Variants in THSD7B observed in about 807,000 individuals in gnomAD.
THSD7B encodes the protein thrombospondin type 1 domain containing 7B, also known as thrombospondin type-1 domain-containing protein 7B.
Under a neutral mutation model 213.6 loss-of-function variants are expected in THSD7B, and 138 were observed. The ratio of observed to expected loss-of-function variants is 0.65; its 90% CI spans 0.56 to 0.74. The LOEUF (loss-of-function observed/expected upper bound fraction) is 0.74, where lower values mean the gene tolerates loss of function less well. THSD7B is among the 30% of genes least tolerant of loss of function. The pLI, the probability that THSD7B is intolerant of heterozygous loss-of-function variation, is 0.00. For missense variants in THSD7B, 1,931 were observed against 1,991.5 expected (o/e 0.97, Z 0.58); for synonymous variants, 742 against 687.0 (o/e 1.08, Z -1.25).
chr2:137,217,966 G>A (rs1681286247), intron 7 of THSD7B, among the ~76,000 whole-genome samples: 1 of 152,140 alleles, frequency 6.6e-6, no homozygotes, highest in African/African-American at 2.4e-5. Context: ...AATAAGTGCA[G>A]TTTAACTGCC....
At chr2:137,310,608 G>A (rs1683875815) in intron 12 of THSD7B, among the ~76,000 whole-genome samples, 1 of 151,900 alleles carries the variant, frequency 6.6e-6, no homozygotes, top group Admixed American at 6.6e-5. Flanking sequence ...GTAATGCCTA[G>A]GTTTTCTTCT....
intron 1 of THSD7B, among the ~76,000 whole-genome samples, chr2:136,846,656 G>T (rs1167322712): frequency 6.6e-6 from 1 of 152,060 alleles, no homozygotes; most frequent in Non-Finnish European, 1.5e-5. Flanking sequence ...ATTATACATT[G>T]AAAATTGCCC....
At chr2:137,404,526 CAAT>C (rs1162419715) in intron 12 of THSD7B, among the ~76,000 whole-genome samples, 1 of 132,684 alleles carries the variant, frequency 7.5e-6, no homozygotes, top group African/African-American at 2.8e-5. Flanking sequence ...TATACACACA[CAAT>C]ATATATATAC....
At chr2:137,082,167 G>T (rs1349002991) in intron 3 of THSD7B, among the ~76,000 whole-genome samples, 1 of 152,002 alleles carries the variant, frequency 6.6e-6, no homozygotes, top group Non-Finnish European at 1.5e-5. Flanking sequence ...TTTCATCTAA[G>T]TCTTTTACTC....
intron 1 of THSD7B, among the ~76,000 whole-genome samples, chr2:136,829,725 G>C (rs975914617): frequency 6.6e-6 from 1 of 152,150 alleles, no homozygotes; most frequent in African/African-American, 2.4e-5. Flanking sequence ...AAGATCCTGA[G>C]GGAAAATATG....
At chr2:136,838,019 C>A (rs900067515) in intron 1 of THSD7B, among the ~76,000 whole-genome samples, 3 of 152,152 alleles carry the variant, frequency 2.0e-5, no homozygotes, top group Non-Finnish European at 4.4e-5. Flanking sequence ...CCTCATTTTC[C>A]TATGCTATTA....
intron 3 of THSD7B, among the ~76,000 whole-genome samples, chr2:137,080,303 C>T (rs1167628945): frequency 1.3e-5 from 2 of 150,962 alleles, no homozygotes; most frequent in Non-Finnish European, 2.9e-5. Flanking sequence ...TGGATTCAAG[C>T]AATCCTTGTG....
intron 16 of THSD7B, among the ~76,000 whole-genome samples, chr2:137,566,438 C>G (rs1250110537): frequency 6.6e-6 from 1 of 152,096 alleles, no homozygotes; most frequent in African/African-American, 2.4e-5. Flanking sequence ...GTTTTATAAG[C>G]ATAAATAACA....
rs780463812 is a variant in THSD7B, at chr2:137,663,588, TGTGA to T, written c.4651+16_4651+19del. 8.8e-6 allele frequency: 14 copies of T among 1,588,444 alleles called. No individual in the cohort carries two copies. In the East Asian group the frequency reaches 1.4e-4, roughly 15 times the overall value. On this transcript the variant is annotated intron_variant, in intron 26 of 27. Transcript: ENST00000409968. ...CCACTTGATCCAGGTGAGTTTCAGT[TGTGA>T]GTAAGAAATGAAAATTTTCTCATGG...
At chr2:137,316,440 G>A (rs969212078) in intron 12 of THSD7B, among the ~76,000 whole-genome samples, 1 of 152,170 alleles carries the variant, frequency 6.6e-6, no homozygotes, top group Non-Finnish European at 1.5e-5. Flanking sequence ...AAAGTGATAG[G>A]TTCATACAAG....
In THSD7B at chr2:137,634,965, T is replaced by TATTA. The variant is rs550237843; in HGVS notation, c.3800-7522_3800-7519dup. On this transcript the variant is annotated intron_variant, in intron 20 of 27. Coordinates refer to ENST00000409968, the MANE Select transcript of THSD7B (RefSeq NM_001316349.2). ...ACAACCTGTATACCACCTCACTGTC[T>TATTA]ATTATTTTTTCTAAAGATCTTGCCA... 5.9e-5 allele frequency among the ~76,000 whole-genome samples: 9 copies of TATTA among 152,284 alleles called. No homozygotes were observed. In the East Asian group the frequency reaches 1.7e-3, roughly 29 times the overall value.
At chr2:137,492,145 T>A (rs1242608243) in intron 15 of THSD7B, among the ~76,000 whole-genome samples, 1 of 152,158 alleles carries the variant, frequency 6.6e-6, no homozygotes, top group South Asian at 2.1e-4. Context: ...TAGGTTACAG[T>A]ACTTCAAAGC....
chr2:137,031,212 C>T (rs1228425530), intron 2 of THSD7B, among the ~76,000 whole-genome samples: 7 of 91,324 alleles, frequency 7.7e-5, no homozygotes, highest in African/African-American at 1.3e-4. Flanking sequence ...GGCATGGTGG[C>T]GGGTTGCCTG....
At chr2:137,381,254 G>A (rs1342417256) in intron 12 of THSD7B, among the ~76,000 whole-genome samples, 1 of 152,194 alleles carries the variant, frequency 6.6e-6, no homozygotes, top group Non-Finnish European at 1.5e-5. Flanking sequence ...CTGCAAGCAG[G>A]GAAAGGCACT....
chr2:136,979,995 A>AT (rs200551724), intron 2 of THSD7B, among the ~76,000 whole-genome samples: 4 of 149,828 alleles, frequency 2.7e-5, no homozygotes, highest in Admixed American at 6.7e-5. Context: ...GTCATCTAAA[A>AT]TTTTTTTTTT....
At chr2:136,869,678 A>T (rs1683398651) in intron 1 of THSD7B, among the ~76,000 whole-genome samples, 2 of 152,212 alleles carry the variant, frequency 1.3e-5, no homozygotes, top group Non-Finnish European at 2.9e-5. Context: ...TTCCTTTCCC[A>T]CAAGAGTCAT....
chr2:137,114,120 C>T (rs1688401671), intron 4 of THSD7B, among the ~76,000 whole-genome samples: 1 of 152,152 alleles, frequency 6.6e-6, no homozygotes, highest in Non-Finnish European at 1.5e-5. Flanking sequence ...CATATGATTA[C>T]TTTTATGGCT....
At chr2:137,184,358 T>C (rs945576639) in intron 7 of THSD7B, among the ~76,000 whole-genome samples, 1 of 152,144 alleles carries the variant, frequency 6.6e-6, no homozygotes, top group Non-Finnish European at 1.5e-5. Context: ...TTTTAACTCA[T>C]GAATTTTTGA....
chr2:137,304,872 C>T (rs1256520924), intron 12 of THSD7B, among the ~76,000 whole-genome samples: 1 of 151,954 alleles, frequency 6.6e-6, no homozygotes, highest in Non-Finnish European at 1.5e-5. Context: ...TATTTCTAAG[C>T]TATGCATGTA....
Sources: allele counts gnomAD v4.1 joint callset (sites outside exome capture counted in the v4.1 genomes callset), GRCh38; gene constraint gnomAD v4.1.1; transcripts MANE v1.5; gene names NCBI Gene and HGNC (gene_info 2026-07-23, HGNC 2026-07-21).